Variants in PRICKLE1 observed in about 807,000 individuals in gnomAD.
PRICKLE1 encodes the protein prickle planar cell polarity protein 1.
A neutral mutation model predicts 70.2 loss-of-function variants in PRICKLE1; 14 were observed. The ratio of observed to expected loss-of-function variants is 0.20; its 90% CI spans 0.13 to 0.31. The LOEUF (loss-of-function observed/expected upper bound fraction) is 0.31, where lower values mean the gene tolerates loss of function less well. Among genes scored for constraint, PRICKLE1 ranks in the 10% least tolerant of loss-of-function variants. The pLI is 1.00. For missense variants in PRICKLE1, 821 were observed against 1,026.2 expected (o/e 0.80, Z 2.73); for synonymous variants, 357 against 379.9 (o/e 0.94, Z 0.70).
At chr12:42,481,623 G>C (rs553344577) in intron 1 of PRICKLE1, among the ~76,000 whole-genome samples, 1 of 152,170 alleles carries the variant, frequency 6.6e-6, no homozygotes, top group Non-Finnish European at 1.5e-5. Flanking sequence ...GCAGATCACA[G>C]GTTCTCCATT....
chr12:42,516,033 C>T (rs1485185947), intron 1 of PRICKLE1, among the ~76,000 whole-genome samples: 2 of 152,166 alleles, frequency 1.3e-5, no homozygotes, highest in East Asian at 3.8e-4. Flanking sequence ...ATTTTCTCAT[C>T]TTTTCTCTCC....
At chr12:42,468,474 CATT>C in intron 5 of PRICKLE1, 149 bp downstream of exon 5, 1 of 771,082 alleles carries the variant, frequency 1.3e-6, no homozygotes, top group South Asian at 1.6e-5. Context: ...AAATATAGAT[CATT>C]TCATTGTATG....
At chr12:42,536,412 G>T (rs1426263882) in intron 1 of PRICKLE1, among the ~76,000 whole-genome samples, 2 of 152,158 alleles carry the variant, frequency 1.3e-5, no homozygotes, top group Non-Finnish European at 2.9e-5. Flanking sequence ...TCCTCCAGCT[G>T]ATTTCTCCTT....
chr12:42,517,306 ATTTTTTT>A (rs71794718), intron 1 of PRICKLE1, among the ~76,000 whole-genome samples: 5 of 88,952 alleles, frequency 5.6e-5, no homozygotes, highest in African/African-American at 9.0e-5. Flanking sequence ...TCAGTCTGCC[ATTTTTTT>A]TTTTTTTTTT....
chr12:42,465,410 CTGTATT>C (rs1938056263), intron 6 of PRICKLE1, 152 bp from the exon 7 acceptor site: 7 of 724,426 alleles, frequency 9.7e-6, no homozygotes, highest in East Asian at 2.7e-5. Flanking sequence ...TTTGTGGATT[CTGTATT>C]TGTGAGTGTG....
intron 2 of PRICKLE1, among the ~76,000 whole-genome samples, chr12:42,472,179 G>A (rs1938348937): frequency 6.6e-6 from 1 of 152,160 alleles, no homozygotes; most frequent in Non-Finnish European, 1.5e-5. Flanking sequence ...CTGGAACCAT[G>A]GGTACGACGA....
chr12:42,563,717 AAAAAAAAAAAG>A, intron 1 of PRICKLE1, among the ~76,000 whole-genome samples: 1 of 151,280 alleles, frequency 6.6e-6, no homozygotes. Context: ...AAAAAAAAAA[AAAAAAAAAAAG>A]AATCTTTTTT....
In PRICKLE1 at chr12:42,466,140, C is replaced by A. The variant is rs547637745; in HGVS notation, c.775+54G>T. 2.5e-6 allele frequency: 4 copies of A among 1,584,096 alleles called. No homozygotes were observed. The Admixed American group carries it at 5.0e-5, about 20-fold the overall frequency. ...AAAAGAAAAAATAAGACTGGATAAT[C>A]CAAGACAGACTAATGGCTAGGTGAC... On this transcript the variant is annotated intron_variant, in intron 6 of 7. Transcript: ENST00000345127.
intron 1 of PRICKLE1, among the ~76,000 whole-genome samples, chr12:42,501,430 A>G (rs144823579): frequency 6.8e-6 from 1 of 147,768 alleles, no homozygotes; most frequent in Admixed American, 7.0e-5. Context: ...GAATCGCTTG[A>G]ACCCGGGAAG....
intron 1 of PRICKLE1, among the ~76,000 whole-genome samples, chr12:42,473,283 T>C (rs903431795): frequency 6.6e-6 from 1 of 152,230 alleles, no homozygotes; most frequent in Non-Finnish European, 1.5e-5. Context: ...AAAATCCAGC[T>C]TGGTGACTGT....
intron 1 of PRICKLE1, among the ~76,000 whole-genome samples, chr12:42,520,963 G>C (rs1939699756): frequency 6.6e-6 from 1 of 152,152 alleles, no homozygotes; most frequent in Non-Finnish European, 1.5e-5. Context: ...TTGAGGTCAG[G>C]AGTACGAGAT....
intron 1 of PRICKLE1, among the ~76,000 whole-genome samples, chr12:42,551,292 G>A (rs773222365): frequency 2.6e-5 from 4 of 152,172 alleles, no homozygotes; most frequent in Non-Finnish European, 5.9e-5. Context: ...AATAAAGATG[G>A]AGAAATAAAT....
chr12:42,580,525 A>G (rs1252986547), intron 1 of PRICKLE1, among the ~76,000 whole-genome samples: 1 of 152,202 alleles, frequency 6.6e-6, no homozygotes, highest in Non-Finnish European at 1.5e-5. Context: ...ATAAACAATT[A>G]TGCTCATTGT....
chr12:42,457,802 G>A lies in PRICKLE1; in HGVS notation c.*2007C>T, dbSNP rs1274913968. On this transcript the variant is annotated 3_prime_UTR_variant, in exon 8 of 8. Coordinates refer to ENST00000345127, the MANE Select transcript of PRICKLE1 (RefSeq NM_153026.3). ...CCACTTTTAAAAGACACATTTATACGAATGTGCTTTGAATGTCTGAAGGAG... is the reference window on the plus strand; with the variant it reads ...CCACTTTTAAAAGACACATTTATACAAATGTGCTTTGAATGTCTGAAGGAG... 6.6e-6 allele frequency: 1 copy of A among 152,216 alleles called. No homozygotes were observed. The highest frequency in any genetic ancestry group is 1.9e-4 in the East Asian group (1 of 5,196). 9.4% of individuals were successfully genotyped at this position (152,216 alleles called of 1,614,324 possible). A position where few individuals can be genotyped will look rare whatever the true frequency, so the allele number is the denominator to read the frequency against.
intron 1 of PRICKLE1, among the ~76,000 whole-genome samples, chr12:42,531,950 G>A (rs1338490801): frequency 1.3e-5 from 2 of 152,248 alleles, no homozygotes; most frequent in East Asian, 1.9e-4. Flanking sequence ...TTGAACCCAG[G>A]AGTTCAAGAG....
intron 1 of PRICKLE1, among the ~76,000 whole-genome samples, chr12:42,534,623 T>TAACCTTGAA (rs1939986677): frequency 6.6e-6 from 1 of 152,216 alleles, no homozygotes; most frequent in Non-Finnish European, 1.5e-5. Flanking sequence ...ATAATTTGTC[T>TAACCTTGAA]AAGGCAGCAT....
chr12:42,477,246 C>G (rs1195969089), intron 1 of PRICKLE1, among the ~76,000 whole-genome samples: 1 of 151,594 alleles, frequency 6.6e-6, no homozygotes, highest in Non-Finnish European at 1.5e-5. Context: ...GTGGTGCACA[C>G]CTGTAATCCC....
intron 1 of PRICKLE1, among the ~76,000 whole-genome samples, chr12:42,535,849 T>G (rs949642492): frequency 1.3e-5 from 2 of 152,158 alleles, no homozygotes; most frequent in African/African-American, 2.4e-5. Context: ...CAGGAGTCAA[T>G]AAATAGTTAT....
At chr12:42,460,904 A>G (rs1937806185) in intron 7 of PRICKLE1, among the ~76,000 whole-genome samples, 1 of 152,144 alleles carries the variant, frequency 6.6e-6, no homozygotes, top group Non-Finnish European at 1.5e-5. Context: ...GTTTTGAGAC[A>G]GAGTTTTGCT....
Sources: allele counts gnomAD v4.1 joint callset (sites outside exome capture counted in the v4.1 genomes callset), GRCh38; gene constraint gnomAD v4.1.1; transcripts MANE v1.5; gene names NCBI Gene and HGNC (gene_info 2026-07-23, HGNC 2026-07-21).